Variants in DCBLD2 observed in about 807,000 individuals in gnomAD.
The protein encoded by DCBLD2 is discoidin, CUB and LCCL domain containing 2, also known as discoidin, CUB and LCCL domain-containing protein 2.
A neutral mutation model predicts 86.8 loss-of-function variants in DCBLD2; 54 were observed. The observed-to-expected ratio is 0.62, with a 90% confidence interval of 0.50 to 0.78. The LOEUF is 0.78. Ranked by LOEUF, DCBLD2 falls within the 30% of genes least tolerant of loss-of-function variation. The pLI is 0.00. For synonymous variants in DCBLD2, 354 were observed against 341.3 expected (o/e 1.04, Z -0.41); for missense variants, 908 against 954.2 (o/e 0.95, Z 0.64).
rs531511852 is a variant in DCBLD2, at chr3:98,820,070, T to C, written c.871+178A>G. ...CCTTGCTTACATGACCATTTCTCTA[T>C]AAATATAAAACTTTCAATTTGCTCT... On this transcript the variant is annotated intron_variant, in intron 7 of 15. Transcript: ENST00000326840. Among the ~76,000 whole-genome samples, 58 of 152,316 alleles carry C rather than the reference T, an allele frequency of 3.8e-4. 1 individual carries two copies. The highest frequency in any genetic ancestry group is 1.4e-3 in the African/African-American group (58 of 41,568).
intron 2 of DCBLD2, among the ~76,000 whole-genome samples, chr3:98,869,590 T>A (rs1943222039): frequency 6.6e-6 from 1 of 152,222 alleles, no homozygotes; most frequent in Admixed American, 6.5e-5. Flanking sequence ...TTTCCTGTTT[T>A]CAAAAAAAGG....
At chr3:98,871,287 C>T (rs1943278706) in intron 2 of DCBLD2, among the ~76,000 whole-genome samples, 1 of 152,114 alleles carries the variant, frequency 6.6e-6, no homozygotes, top group Admixed American at 6.6e-5. Flanking sequence ...TCTTCTCTTG[C>T]CTGACTGTTC....
chr3:98,883,733 G>T (rs932600598), intron 1 of DCBLD2, among the ~76,000 whole-genome samples: 1 of 152,088 alleles, frequency 6.6e-6, no homozygotes, highest in African/African-American at 2.4e-5. Flanking sequence ...CTTCAAAACA[G>T]TTATTTACAA....
intron 1 of DCBLD2, among the ~76,000 whole-genome samples, chr3:98,893,424 T>C (rs943862065): frequency 2.0e-5 from 3 of 149,328 alleles, no homozygotes; most frequent in African/African-American, 7.3e-5. Flanking sequence ...TAGGCAAAGC[T>C]GCTTGGTTTT....
chr3:98,889,137 T>C (rs1943612544), intron 1 of DCBLD2, among the ~76,000 whole-genome samples: 1 of 152,024 alleles, frequency 6.6e-6, no homozygotes, highest in African/African-American at 2.4e-5. Flanking sequence ...CTTGAGCATA[T>C]ATCTGCCTGG....
At chr3:98,828,617 GGTGCAACTGTTTTGGAAAATGGTTTGGCA>G (rs1368102126) in intron 3 of DCBLD2, among the ~76,000 whole-genome samples, 3 of 152,116 alleles carry the variant, frequency 2.0e-5, no homozygotes, top group Non-Finnish European at 4.4e-5. Flanking sequence ...ATTGTAAAAT[GGTGCAACTGTTTTGGAAAATGGTTTGGCA>G]GTTCCTTAAA....
chr3:98,877,300 G>T (rs765327142), intron 2 of DCBLD2, among the ~76,000 whole-genome samples: 3 of 152,174 alleles, frequency 2.0e-5, no homozygotes, highest in Non-Finnish European at 4.4e-5. Flanking sequence ...CCAGCCTAAA[G>T]AATTTTTTAA....
At chr3:98,870,810 A>AAAGAAAGGAAGGAAGG (rs760385201) in intron 2 of DCBLD2, among the ~76,000 whole-genome samples, 3 of 131,580 alleles carry the variant, frequency 2.3e-5, no homozygotes, top group African/African-American at 8.7e-5. Flanking sequence ...AGAAAGAAAG[A>AAAGAAAGGAAGGAAGG]AAGGTAGGCA....
chr3:98,826,489 G>A (rs1159405469), intron 3 of DCBLD2, among the ~76,000 whole-genome samples: 1 of 152,222 alleles, frequency 6.6e-6, no homozygotes, highest in Non-Finnish European at 1.5e-5. Context: ...GCACACAGTA[G>A]GCACTTAAGT....
intron 13 of DCBLD2, among the ~76,000 whole-genome samples, chr3:98,805,647 C>A (rs1049700582): frequency 6.6e-6 from 1 of 152,292 alleles, no homozygotes; most frequent in East Asian, 1.9e-4. Context: ...AAGCCACACT[C>A]ATCAGTGATT....
At chr3:98,892,790 CCA>C in intron 1 of DCBLD2, among the ~76,000 whole-genome samples, 1 of 152,244 alleles carries the variant, frequency 6.6e-6, no homozygotes, top group Non-Finnish European at 1.5e-5. Flanking sequence ...AAAAGAATGT[CCA>C]CCTCACATCC....
chr3:98,844,034 GCACACACA>G (rs10574415), intron 3 of DCBLD2, among the ~76,000 whole-genome samples: 8 of 145,516 alleles, frequency 5.5e-5, no homozygotes, highest in African/African-American at 1.3e-4. Flanking sequence ...AATCATGCAT[GCACACACA>G]CACACACACA....
chr3:98,901,371 G>A lies in DCBLD2; in HGVS notation c.-45C>T, dbSNP rs1943848931. 10 of 1,276,042 alleles carry A rather than the reference G, an allele frequency of 7.8e-6. No individual in the cohort carries two copies. The highest frequency in any genetic ancestry group is 8.8e-6 in the Non-Finnish European group (9 of 1,017,786). The allele number at this position is 1,276,042 out of a possible 1,614,324, so 79.0% of individuals were successfully genotyped here. A position where few individuals can be genotyped will look rare whatever the true frequency, so the allele number is the denominator to read the frequency against. On this transcript the variant is annotated 5_prime_UTR_variant, in exon 1 of 16. Coordinates refer to ENST00000326840, the MANE Select transcript of DCBLD2 (RefSeq NM_080927.4). ...CCTGCATAGTGCGGGTGCCTCGGCAGCCCCGCGCGCCTCTGGCCGCGGCAC... is the reference window on the plus strand; with the variant it reads ...CCTGCATAGTGCGGGTGCCTCGGCAACCCCGCGCGCCTCTGGCCGCGGCAC...
chr3:98,801,506 C>G (rs1167546941), intron 14 of DCBLD2, 94 bp downstream of exon 14: 4 of 969,916 alleles, frequency 4.1e-6, no homozygotes, highest in Non-Finnish European at 6.1e-6. Context: ...GGGAGTTCAC[C>G]TGGGCCAGAG....
intron 3 of DCBLD2, among the ~76,000 whole-genome samples, chr3:98,828,117 A>G (rs952115387): frequency 3.3e-5 from 5 of 152,236 alleles, no homozygotes; most frequent in African/African-American, 4.8e-5. Flanking sequence ...ACTTTTAGAA[A>G]AAAATATATG....
chr3:98,871,611 A>G (rs547914807), intron 2 of DCBLD2, among the ~76,000 whole-genome samples: 22 of 151,262 alleles, frequency 1.5e-4, no homozygotes, highest in Non-Finnish European at 2.2e-4. Context: ...TCATCCTTGC[A>G]TTCCTGGTAT....
chr3:98,895,690 T>A (rs570781604), intron 1 of DCBLD2, among the ~76,000 whole-genome samples: 1 of 152,274 alleles, frequency 6.6e-6, no homozygotes, highest in South Asian at 2.1e-4. Flanking sequence ...ATAGTAGGCG[T>A]CTCCTGCTTC....
At chr3:98,832,465 T>C (rs919894717) in intron 3 of DCBLD2, among the ~76,000 whole-genome samples, 3 of 152,254 alleles carry the variant, frequency 2.0e-5, no homozygotes, top group African/African-American at 7.2e-5. Context: ...TGTGTGCATA[T>C]GATCCTGTCA....
chr3:98,858,189 G>A (rs991808427), intron 2 of DCBLD2, among the ~76,000 whole-genome samples: 1 of 152,250 alleles, frequency 6.6e-6, no homozygotes, highest in African/African-American at 2.4e-5. Context: ...TCACTGCCTG[G>A]GGCTGGCAGG....
Sources: allele counts gnomAD v4.1 joint callset (sites outside exome capture counted in the v4.1 genomes callset), GRCh38; gene constraint gnomAD v4.1.1; transcripts MANE v1.5; gene names NCBI Gene and HGNC (gene_info 2026-07-23, HGNC 2026-07-21).